The following AGK variants were observed in gnomAD, a reference collection of about 807,000 sequenced individuals.
The protein encoded by AGK is acylglycerol kinase, mitochondrial.
A neutral mutation model predicts 66.4 loss-of-function variants in AGK; 52 were observed. The observed-to-expected ratio is 0.78, with a 90% CI of 0.63 to 0.99. The LOEUF is 0.99. Among genes scored for constraint, AGK ranks in the 50% least tolerant of loss-of-function variants. AGK has a pLI of 0.00. For synonymous variants in AGK, 182 were observed against 181.1 expected (o/e 1.00, Z -0.04); for missense variants, 451 against 506.6 (o/e 0.89, Z 1.05).
At chr7:141,611,425 G>T in intron 6 of AGK, 138 bp downstream of exon 6, 1 of 536,898 alleles carries the variant, frequency 1.9e-6, no homozygotes, top group Admixed American at 3.8e-5. Context: ...TCTAAAGCTA[G>T]TATAGCTTTA....
intron 3 of AGK, among the ~76,000 whole-genome samples, chr7:141,595,520 CA>C (rs796113501): frequency 6.6e-5 from 10 of 152,112 alleles, no homozygotes; most frequent in African/African-American, 2.4e-4. Context: ...AGAAAGGCTC[CA>C]AAATGAACTG....
chr7:141,633,804 A>T (rs2116998121), intron 9 of AGK, 97 bp from the exon 10 acceptor site: 1 of 1,090,382 alleles, frequency 9.2e-7, no homozygotes, highest in East Asian at 2.4e-5. Context: ...TTTTGGTTTG[A>T]TGAAAAGTAG....
intron 2 of AGK, among the ~76,000 whole-genome samples, chr7:141,590,595 A>T (rs764996132): frequency 3.9e-5 from 6 of 152,080 alleles, no homozygotes; most frequent in Non-Finnish European, 5.9e-5. Flanking sequence ...TGTTATCCAG[A>T]GGTTACTGTG....
In AGK at chr7:141,598,570, T is replaced by C. The variant is rs1796275089; in HGVS notation, c.221+1929T>C. Among the ~76,000 whole-genome samples, 1 of 152,200 alleles carries C rather than the reference T, an allele frequency of 6.6e-6. No individual in the cohort carries two copies. ...ATACTTTAAAAATTATTATGTGGAA[T>C]AGGGACCTTTGGTATTAAATGAGAT... On this transcript the variant is annotated intron_variant, in intron 4 of 15. Coordinates refer to ENST00000649286, the MANE Select transcript of AGK (RefSeq NM_018238.4). The surrounding 1 kb of genome is among the most constrained non-coding windows in gnomAD (Gnocchi z 4.2).
intron 3 of AGK, chr7:141,594,126 T>G (rs1018238788): frequency 6.6e-5 from 10 of 152,260 alleles, no homozygotes; most frequent in Admixed American, 2.0e-4. Context: ...TTTGTTTAAA[T>G]GTATTATCTT....
intron 9 of AGK, among the ~76,000 whole-genome samples, chr7:141,629,982 G>T (rs895965607): frequency 2.6e-5 from 4 of 152,166 alleles, no homozygotes; most frequent in African/African-American, 9.7e-5. Context: ...TCCTCTTTTG[G>T]AAATGTGTAA....
intron 6 of AGK, among the ~76,000 whole-genome samples, chr7:141,613,943 T>A (rs1056330959): frequency 7.9e-5 from 12 of 152,182 alleles, no homozygotes; most frequent in Admixed American, 6.5e-5. Flanking sequence ...ATTGTATTAT[T>A]GATCATAGGT....
Position 141,598,413 on chromosome 7 carries a change from C to G in AGK, c.221+1772C>G, listed in dbSNP as rs778638710. Among the ~76,000 whole-genome samples the G allele has an allele frequency of 6.6e-6, 1 of 152,108 alleles. No homozygotes were observed. Among genetic ancestry groups the G allele is most frequent in the Middle Eastern group, 3.2e-3 (1 of 316 alleles). On this transcript the variant is annotated intron_variant, in intron 4 of 15. Coordinates refer to ENST00000649286, the MANE Select transcript of AGK (RefSeq NM_018238.4). The surrounding 1 kb of genome is among the most constrained non-coding windows in gnomAD (Gnocchi z 4.2). ...GGCTGAAGATAACAGAGAACTCAGC[C>G]TGGGTCTGGGAGTTTGAGGAATCTG...
At chr7:141,652,508 C>A (rs370238978) in intron 15 of AGK, 5 of 274,524 alleles carry the variant, frequency 1.8e-5, no homozygotes, top group East Asian at 1.3e-4. Context: ...AAAATTATAA[C>A]CATGTTGTTC....
Position 141,601,200 on chromosome 7 carries a change from A to G in AGK, c.222-5A>G, listed in dbSNP as rs1449399209. 4.4e-6 allele frequency: 7 copies of G among 1,605,928 alleles called. No individual in the cohort carries two copies. Among genetic ancestry groups the G allele is most frequent in the Non-Finnish European group, 5.1e-6 (6 of 1,174,726 alleles). On this transcript the variant is annotated splice_polypyrimidine_tract_variant and splice_region_variant and intron_variant, in intron 4 of 15. Transcript: ENST00000649286. Reference sequence around the variant, plus strand: ...AAATGTTTATATTTTTTCCTTTGTTAACAGAAAAGCCAGGACTCTATTTGA... The same window carrying G: ...AAATGTTTATATTTTTTCCTTTGTTGACAGAAAAGCCAGGACTCTATTTGA...
intron 9 of AGK, among the ~76,000 whole-genome samples, chr7:141,629,386 T>C (rs756983195): frequency 2.6e-5 from 4 of 152,172 alleles, no homozygotes; most frequent in Admixed American, 6.5e-5. Flanking sequence ...TGCTTGTCTT[T>C]CTTTTTCTTT....
intron 2 of AGK, 52 bp from the exon 3 acceptor site, chr7:141,593,094 G>T: frequency 6.6e-7 from 1 of 1,503,856 alleles, no homozygotes; most frequent in Non-Finnish European, 9.2e-7. Context: ...AATTTTGTTT[G>T]GATCATAATC....
At chr7:141,557,251 CTTCTT>C (rs1795229376) in intron 2 of AGK, among the ~76,000 whole-genome samples, 1 of 152,200 alleles carries the variant, frequency 6.6e-6, no homozygotes, top group Non-Finnish European at 1.5e-5. Context: ...ATACATTCCC[CTTCTT>C]TTCTTTCTAA....
rs1797641112 is a variant in AGK, at chr7:141,654,462, T to C, written c.*1538T>C. ...CATTTTGACAAAGATCACAGTGCTC[T>C]ATCATCAAGAATTATTAATGATGAT... On this transcript the variant is annotated 3_prime_UTR_variant, in exon 16 of 16. Coordinates refer to ENST00000649286, the MANE Select transcript of AGK (RefSeq NM_018238.4). 2 of 152,244 alleles carry C rather than the reference T, an allele frequency of 1.3e-5. No homozygotes were observed. The highest frequency in any genetic ancestry group is 1.5e-5 in the Non-Finnish European group (1 of 68,034). 9.4% of individuals were successfully genotyped at this position (152,244 alleles called of 1,614,324 possible).
chr7:141,553,505 A>G (rs1795143461), intron 1 of AGK, among the ~76,000 whole-genome samples: 1 of 152,058 alleles, frequency 6.6e-6, no homozygotes, highest in Admixed American at 6.6e-5. Context: ...CATTTATCCC[A>G]CTGTACTGCA....
chr7:141,555,396 T>G lies in AGK; in HGVS notation c.-14-57T>G. ...ATGGAAGACAGAGTAATAGGGACAT[T>G]ACATGAAGACCATGGATAAATTATA... On this transcript the variant is annotated intron_variant, in intron 1 of 15. Transcript: ENST00000649286. The surrounding 1 kb of genome is among the most constrained non-coding windows in gnomAD (Gnocchi z 4.2). The G allele has an allele frequency of 1.6e-6, 2 of 1,215,790 alleles. No individual in the cohort carries two copies. Among genetic ancestry groups the G allele is most frequent in the Non-Finnish European group, 2.4e-6 (2 of 844,514 alleles). 75.3% of individuals were successfully genotyped at this position (1,215,790 alleles called of 1,614,324 possible). A position where few individuals can be genotyped will look rare whatever the true frequency, so the allele number is the denominator to read the frequency against.
At chr7:141,584,871 C>T (rs1795963845) in intron 2 of AGK, among the ~76,000 whole-genome samples, 1 of 152,144 alleles carries the variant, frequency 6.6e-6, no homozygotes, top group Non-Finnish European at 1.5e-5. Context: ...AAGACAGCCA[C>T]CACTTAATAT....
rs373098469 is a variant in AGK at position 141,607,268 on chromosome 7, A to G, written c.298-3927A>G. On this transcript the variant is annotated intron_variant, in intron 5 of 15. Coordinates refer to ENST00000649286, the MANE Select transcript of AGK (RefSeq NM_018238.4). ...GGCTGTACCATTTTGTATTATTACC[A>G]CCAGTGAACTAGAGTTCCTCTTGTT... is the stretch of plus-strand genomic sequence containing the variant. Among the ~76,000 whole-genome samples, 7 of 152,240 alleles carry G rather than the reference A, an allele frequency of 4.6e-5. No homozygotes were observed. The South Asian group carries it at 6.2e-4, about 14-fold the overall frequency.
At chr7:141,611,510 A>G (rs1177237011) in intron 6 of AGK, among the ~76,000 whole-genome samples, 1 of 152,140 alleles carries the variant, frequency 6.6e-6, no homozygotes, top group East Asian at 1.9e-4. Flanking sequence ...TTTTTGTATT[A>G]TCATATTTAA....
Sources: allele counts gnomAD v4.1 joint callset (sites outside exome capture counted in the v4.1 genomes callset), GRCh38; gene constraint gnomAD v4.1.1; non-coding constraint Gnocchi (gnomAD v3.1); transcripts MANE v1.5; gene names NCBI Gene and HGNC (gene_info 2026-07-23, HGNC 2026-07-21).